The following ASTN2 variants were observed in gnomAD, a reference collection of about 807,000 sequenced individuals.
ASTN2 encodes astrotactin 2.
A neutral mutation model predicts 139.8 loss-of-function variants in ASTN2; 54 were observed. The ratio of observed to expected loss-of-function variants is 0.39; its 90% CI spans 0.31 to 0.48. The LOEUF (loss-of-function observed/expected upper bound fraction) is 0.48. ASTN2 is among the 20% of genes least tolerant of loss of function. The pLI, the probability that ASTN2 is intolerant of heterozygous loss-of-function variation, is 0.95. For missense variants in ASTN2, 1,565 were observed against 1,725.1 expected, an observed-to-expected ratio of 0.91 and a Z score of 1.64; for synonymous variants, 756 against 719.5, an observed-to-expected ratio of 1.05 and a Z score of -0.81.
At chr9:117,047,916 C>A (rs1317392384) in intron 5 of ASTN2, among the ~76,000 whole-genome samples, 1 of 152,092 alleles carries the variant, frequency 6.6e-6, no homozygotes, top group East Asian at 1.9e-4. Flanking sequence ...AGGTGCCAGA[C>A]AATAGAACTA....
chr9:116,853,365 C>T (rs1340082896), intron 11 of ASTN2, among the ~76,000 whole-genome samples: 1 of 152,084 alleles, frequency 6.6e-6, no homozygotes, highest in Non-Finnish European at 1.5e-5. Flanking sequence ...TTAAGATGAA[C>T]ACAATTATTC....
At chr9:116,945,895 T>G (rs1486668757) in intron 10 of ASTN2, among the ~76,000 whole-genome samples, 1 of 152,204 alleles carries the variant, frequency 6.6e-6, no homozygotes, top group Non-Finnish European at 1.5e-5. Flanking sequence ...GAAATTTAAC[T>G]GACTCACTGT....
intron 1 of ASTN2, among the ~76,000 whole-genome samples, chr9:117,365,610 TCA>T (rs1829821811): frequency 6.6e-6 from 1 of 152,114 alleles, no homozygotes; most frequent in Non-Finnish European, 1.5e-5. Context: ...CCACTTCCAC[TCA>T]CAGTTATGTG....
intron 1 of ASTN2, among the ~76,000 whole-genome samples, chr9:117,351,279 C>A (rs572892832): frequency 6.6e-6 from 1 of 152,184 alleles, no homozygotes; most frequent in Non-Finnish European, 1.5e-5. Context: ...AAAATTCAAA[C>A]GTCTAAGCAT....
Position 117,368,119 on chromosome 9 carries a change from C to CA in ASTN2, c.442+46377dup, listed in dbSNP as rs1829894189. Among the ~76,000 whole-genome samples, 5 of 152,000 alleles carry CA rather than the reference C, an allele frequency of 3.3e-5. No individual in the cohort carries two copies. In the South Asian group the frequency reaches 1.0e-3, roughly 32 times the overall value. Reference sequence around the variant, plus strand: ...CCGCAAGTCAGCAGACTTTAAGCAGCAACTAAGGATAAGGGATTCAAAAAA... The same window carrying CA: ...CCGCAAGTCAGCAGACTTTAAGCAGCAAACTAAGGATAAGGGATTCAAAAAA... On this transcript the variant is annotated intron_variant, in intron 1 of 22. Coordinates refer to ENST00000313400, the MANE Select transcript of ASTN2 (RefSeq NM_001365068.1).
chr9:117,165,026 T>C (rs1024066957), intron 3 of ASTN2, among the ~76,000 whole-genome samples: 1 of 151,216 alleles, frequency 6.6e-6, no homozygotes, highest in Non-Finnish European at 1.5e-5. Context: ...TGGTGTAGGG[T>C]AGATGAAGTA....
At chr9:116,861,239 A>G (rs546061085) in intron 11 of ASTN2, among the ~76,000 whole-genome samples, 95 of 151,712 alleles carry the variant, frequency 6.3e-4, no homozygotes, top group Middle Eastern at 3.4e-3. Flanking sequence ...ACACACACAC[A>G]CACACACACA....
chr9:117,013,239 C>G (rs1837582988), intron 6 of ASTN2, among the ~76,000 whole-genome samples: 1 of 152,132 alleles, frequency 6.6e-6, no homozygotes, highest in Admixed American at 6.5e-5. Context: ...GGAATACAAA[C>G]TACACAGAAA....
intron 10 of ASTN2, among the ~76,000 whole-genome samples, chr9:116,874,981 AAATAT>A (rs1434228816): frequency 6.6e-6 from 1 of 152,172 alleles, no homozygotes. Flanking sequence ...CTTACTTGGT[AAATAT>A]AAGGCCTCCC....
chr9:117,214,700 C>T lies in ASTN2; in HGVS notation c.673G>A (p.Val225Met), dbSNP rs144385545. ...ALLLLLLVFT[V>M]ALYAQRRWQK... ...CAACGTCGCTGGGCGTACAGCGCCA[C>T]GGTGAACACCAGCAGCAGCAGCAGC... The change falls in exon 3 of 23, where the codon GTG (valine) becomes ATG (methionine). Residue 225 changes from valine to methionine, a missense_variant. This residue lies in a region of ASTN2 where 596 missense variants were observed against 576.8 expected (regional missense o/e 1.03). Transcript: ENST00000313400. 15 of 1,521,304 alleles carry T rather than the reference C, an allele frequency of 9.9e-6. No homozygotes were observed. Among genetic ancestry groups the T allele is most frequent in the African/African-American group, 1.4e-5 (1 of 72,808 alleles). 94.2% of individuals were successfully genotyped at this position (1,521,304 alleles called of 1,614,324 possible).
chr9:116,497,517 T>C (rs1437227327), intron 19 of ASTN2, among the ~76,000 whole-genome samples: 2 of 152,186 alleles, frequency 1.3e-5, no homozygotes, highest in Non-Finnish European at 2.9e-5. Flanking sequence ...CTGCAACTTA[T>C]GATTAATACT....
chr9:117,087,155 C>A (rs980915255), intron 5 of ASTN2, among the ~76,000 whole-genome samples: 2 of 152,192 alleles, frequency 1.3e-5, no homozygotes, highest in Non-Finnish European at 2.9e-5. Context: ...GCTAGGCCTA[C>A]AAAATTCACA....
rs573893717 is a variant in ASTN2 at position 117,412,114 on chromosome 9, A to G, written c.442+2383T>C. On this transcript the variant is annotated intron_variant, in intron 1 of 22. Coordinates refer to ENST00000313400, the MANE Select transcript of ASTN2 (RefSeq NM_001365068.1). Reference sequence around the variant, plus strand: ...TACACACAAACAGTGGAAGACCAACACAAATAAAAATCCCACGTCTCCCTA... The same window carrying G: ...TACACACAAACAGTGGAAGACCAACGCAAATAAAAATCCCACGTCTCCCTA... 2.6e-5 allele frequency among the ~76,000 whole-genome samples: 4 copies of G among 151,846 alleles called. No individual in the cohort carries two copies. The East Asian group carries it at 7.8e-4, about 30-fold the overall frequency.
Position 116,688,642 on chromosome 9 carries a change from C to G in ASTN2, c.2807-36849G>C, listed in dbSNP as rs940045855. Among the ~76,000 whole-genome samples the G allele has an allele frequency of 1.6e-4, 25 of 152,158 alleles. No individual in the cohort carries two copies. The East Asian group carries it at 4.4e-3, about 27-fold the overall frequency. Reference sequence around the variant, plus strand: ...AACTCCATTCTGACCACCGGTCCCCCGGCCCACTGAAAGTGGTAGGCTTTG... The same window carrying G: ...AACTCCATTCTGACCACCGGTCCCCGGGCCCACTGAAAGTGGTAGGCTTTG... On this transcript the variant is annotated intron_variant, in intron 16 of 22. Transcript: ENST00000313400.
chr9:117,255,862 T>C (rs1017088175), intron 2 of ASTN2, among the ~76,000 whole-genome samples: 8 of 152,166 alleles, frequency 5.3e-5, no homozygotes, highest in Non-Finnish European at 1.0e-4. Context: ...ATGAAGGGCA[T>C]GTTGGACAGG....
intron 1 of ASTN2, among the ~76,000 whole-genome samples, chr9:117,309,974 A>G (rs1023904532): frequency 2.6e-5 from 4 of 152,114 alleles, no homozygotes; most frequent in African/African-American, 4.8e-5. Flanking sequence ...CAAATTATGT[A>G]GCTGGTCCTG....
intron 11 of ASTN2, among the ~76,000 whole-genome samples, chr9:116,823,358 A>G (rs990544776): frequency 6.6e-6 from 1 of 152,128 alleles, no homozygotes; most frequent in East Asian, 1.9e-4. Flanking sequence ...CCACCCTGTC[A>G]TTTACTGACT....
chr9:117,004,638 C>T (rs1318471785), intron 7 of ASTN2, among the ~76,000 whole-genome samples: 1 of 152,176 alleles, frequency 6.6e-6, no homozygotes, highest in Non-Finnish European at 1.5e-5. Flanking sequence ...GACTACTACA[C>T]TGAGCACTGA....
chr9:117,182,174 C>G (rs1199804547), intron 3 of ASTN2, among the ~76,000 whole-genome samples: 1 of 151,438 alleles, frequency 6.6e-6, no homozygotes, highest in Admixed American at 6.6e-5. Flanking sequence ...GAAAAGAGAG[C>G]AGGCCAGCCT....
Sources: gnomAD v4.1 joint callset for allele counts (sites outside exome capture counted in the v4.1 genomes callset) on GRCh38, gnomAD v4.1.1 for gene constraint, gnomAD v4.1.1 regional missense constraint, MANE v1.5 for transcripts, NCBI Gene and HGNC (gene_info 2026-07-23, HGNC 2026-07-21) for gene names.